PRTG: variants seen among roughly 807,000 people sequenced by gnomAD.
PRTG encodes the protein immunoglobulin superfamily, DCC subclass, member 5.
A neutral mutation model predicts 122.5 loss-of-function variants in PRTG; 67 were observed. The ratio of observed to expected loss-of-function variants is 0.55; its 90% CI spans 0.45 to 0.67. PRTG has a LOEUF of 0.67. Ranked by LOEUF, PRTG falls within the 30% of genes least tolerant of loss-of-function variation. PRTG has a pLI of 0.00. For missense variants in PRTG, 1,435 were observed against 1,415.4 expected (o/e 1.01, Z -0.22); for synonymous variants, 554 against 501.1 (o/e 1.11, Z -1.41).
At chr15:55,647,386 G>T (rs2059330083) in intron 11 of PRTG, among the ~76,000 whole-genome samples, 1 of 152,198 alleles carries the variant, frequency 6.6e-6, no homozygotes. Context: ...GGCACTGCAT[G>T]AGAGACTCAA....
rs546670835 is a variant in PRTG, at chr15:55,616,121, G to A, written c.*3891C>T. 6 of 152,178 alleles carry A rather than the reference G, an allele frequency of 3.9e-5. No homozygotes were observed. The East Asian group carries it at 1.2e-3, about 29-fold the overall frequency. 9.4% of individuals were successfully genotyped at this position (152,178 alleles called of 1,614,324 possible). On this transcript the variant is annotated 3_prime_UTR_variant, in exon 20 of 20. Coordinates refer to ENST00000389286, the MANE Select transcript of PRTG (RefSeq NM_173814.6). ...TTTTAAAAGTCACTTAATGGATAAAGCTGTATTTTTACTTTTAGGCTAATC... is the reference window on the plus strand; with the variant it reads ...TTTTAAAAGTCACTTAATGGATAAAACTGTATTTTTACTTTTAGGCTAATC...
chr15:55,671,618 C>T (rs2059472209), intron 11 of PRTG, among the ~76,000 whole-genome samples: 1 of 152,144 alleles, frequency 6.6e-6, no homozygotes, highest in Admixed American at 6.5e-5. Flanking sequence ...CCTGCCTCAG[C>T]CTCCCAAGTA....
At chr15:55,731,582 GCTGGTCTTGAACT>G (rs1187775693) in intron 2 of PRTG, among the ~76,000 whole-genome samples, 6 of 151,620 alleles carry the variant, frequency 4.0e-5, no homozygotes, top group Non-Finnish European at 8.8e-5. Flanking sequence ...TGTCGGTCAG[GCTGGTCTTGAACT>G]CCTGACCTCA....
chr15:55,692,711 G>C (rs923615917), intron 2 of PRTG, among the ~76,000 whole-genome samples: 24 of 150,328 alleles, frequency 1.6e-4, no homozygotes, highest in Non-Finnish European at 4.4e-5. Flanking sequence ...GATAAGTCTT[G>C]ATTTTTTCAC....
rs1390726975 is a variant in PRTG at position 55,637,351 on chromosome 15, A to G, written c.2453-11T>C. On this transcript the variant is annotated splice_polypyrimidine_tract_variant and intron_variant, in intron 14 of 19. Transcript: ENST00000389286. ...GTGGGCCTGCTGGTGCTGTGCAGAC[A>G]CAACAAAACATTGTATTAATATAGT... 1 of 1,599,918 alleles carries G rather than the reference A, an allele frequency of 6.3e-7. No homozygotes were observed. Among genetic ancestry groups the G allele is most frequent in the South Asian group, 1.1e-5 (1 of 88,514 alleles).
intron 2 of PRTG, among the ~76,000 whole-genome samples, chr15:55,690,699 G>C (rs1229130299): frequency 6.6e-6 from 1 of 152,128 alleles, no homozygotes; most frequent in African/African-American, 2.4e-5. Context: ...AAGCATTTCA[G>C]ATAAGGAATA....
chr15:55,628,499 A>G (rs1268974045), intron 16 of PRTG, among the ~76,000 whole-genome samples: 1 of 151,814 alleles, frequency 6.6e-6, no homozygotes, highest in African/African-American at 2.4e-5. Flanking sequence ...ACTGCTGTTT[A>G]TTTCTGTGAA....
intron 2 of PRTG, among the ~76,000 whole-genome samples, chr15:55,695,556 C>A (rs898809293): frequency 6.6e-6 from 1 of 152,214 alleles, no homozygotes; most frequent in African/African-American, 2.4e-5. Context: ...TGCTGCCACA[C>A]CCCCTCCTTG....
At chr15:55,629,397 G>T (rs143345503) in intron 15 of PRTG, among the ~76,000 whole-genome samples, 26,119 of 114,722 alleles carry the variant, frequency 0.23, 3,590 homozygotes, top group East Asian at 0.68. Flanking sequence ...GTGTGTGTGT[G>T]TGTGTGTGTG....
At chr15:55,728,020 A>G (rs1390470877) in intron 2 of PRTG, among the ~76,000 whole-genome samples, 3 of 152,018 alleles carry the variant, frequency 2.0e-5, no homozygotes, top group Non-Finnish European at 4.4e-5. Context: ...GTGTCCCACC[A>G]TGCCCAGCTA....
intron 2 of PRTG, among the ~76,000 whole-genome samples, chr15:55,720,563 G>A (rs941347420): frequency 1.3e-5 from 2 of 152,120 alleles, no homozygotes; most frequent in East Asian, 3.9e-4. Context: ...TCATGTGGTC[G>A]TCCATCTACC....
At chr15:55,622,248 C>T (rs1014905744) in intron 18 of PRTG, among the ~76,000 whole-genome samples, 5 of 132,446 alleles carry the variant, frequency 3.8e-5, no homozygotes, top group Non-Finnish European at 7.7e-5. Flanking sequence ...GACAGAGTCT[C>T]GTTCTTGTTG....
chr15:55,730,914 A>G (rs910560619), intron 2 of PRTG, among the ~76,000 whole-genome samples: 2 of 152,204 alleles, frequency 1.3e-5, no homozygotes, highest in East Asian at 1.9e-4. Context: ...TATTTGCAAA[A>G]TAAGTTTCTA....
At chr15:55,640,913 G>A (rs2059286351) in intron 12 of PRTG, among the ~76,000 whole-genome samples, 200 bp downstream of exon 12, 1 of 151,220 alleles carries the variant, frequency 6.6e-6, no homozygotes, top group African/African-American at 2.4e-5. Flanking sequence ...AGCTACTCGA[G>A]AGGCTGAGGC....
At chr15:55,710,920 T>G (rs992182773) in intron 2 of PRTG, among the ~76,000 whole-genome samples, 3 of 151,988 alleles carry the variant, frequency 2.0e-5, no homozygotes, top group Non-Finnish European at 4.4e-5. Flanking sequence ...TTTTTTGTTT[T>G]TTTGAGACAG....
intron 11 of PRTG, among the ~76,000 whole-genome samples, chr15:55,648,922 C>A (rs1259407065): frequency 6.6e-6 from 1 of 151,698 alleles, no homozygotes; most frequent in South Asian, 2.1e-4. Context: ...TATGGTGAAA[C>A]CCCGTCTCTA....
At chr15:55,738,002 C>CTCTCTCTCTCTCTCTCTA (rs1248440584) in intron 2 of PRTG, among the ~76,000 whole-genome samples, 1 of 96,688 alleles carries the variant, frequency 1.0e-5, no homozygotes, top group African/African-American at 3.7e-5. Context: ...CTCTCTCTCT[C>CTCTCTCTCTCTCTCTCTA]TATATATATA....
chr15:55,693,348 T>G (rs539828312), intron 2 of PRTG, among the ~76,000 whole-genome samples: 1 of 151,792 alleles, frequency 6.6e-6, no homozygotes, highest in African/African-American at 2.4e-5. Context: ...CCCAGCTACT[T>G]GGGAGGGTGA....
intron 9 of PRTG, among the ~76,000 whole-genome samples, chr15:55,674,533 T>C (rs1034188433): frequency 2.6e-5 from 4 of 152,196 alleles, no homozygotes; most frequent in African/African-American, 9.6e-5. Flanking sequence ...ATGTCATATA[T>C]ACTGTAGTTC....
Sources: gnomAD v4.1 joint callset for allele counts (sites outside exome capture counted in the v4.1 genomes callset) on GRCh38, gnomAD v4.1.1 for gene constraint, MANE v1.5 for transcripts, NCBI Gene and HGNC (gene_info 2026-07-23, HGNC 2026-07-21) for gene names.